Variants in GPC6 observed in about 807,000 individuals in gnomAD.
GPC6 encodes glypican-6.
GPC6 carries 14 observed loss-of-function variants against 55.2 expected under a neutral mutation model. That is an observed-to-expected ratio of 0.25 (90% CI 0.17 to 0.40). GPC6 has a LOEUF of 0.40. Ranked by LOEUF, GPC6 falls within the 10% of genes least tolerant of loss-of-function variation. The pLI is 1.00. For missense variants in GPC6, 641 were observed against 708.5 expected (o/e 0.90, Z 1.08); for synonymous variants, 278 against 259.6 (o/e 1.07, Z -0.68).
chr13:94,368,996 C>T (rs1879408490), intron 6 of GPC6, among the ~76,000 whole-genome samples: 1 of 152,188 alleles, frequency 6.6e-6, no homozygotes, highest in African/African-American at 2.4e-5. Context: ...GAGCAAAAAC[C>T]AGCCTGCCTT....
intron 6 of GPC6, chr13:94,306,338 A>AGTTTC: frequency 4.6e-6 from 3 of 648,788 alleles, no homozygotes; most frequent in Non-Finnish European, 8.3e-6. Flanking sequence ...TTAAGAAACT[A>AGTTTC]TTAATGCATG....
At position 94,053,579 on chromosome 13, in the gene GPC6, CTG is replaced by C. The variant is rs2138757012; in HGVS notation, c.877+25686_877+25687del. 2.0e-5 allele frequency among the ~76,000 whole-genome samples: 3 copies of C among 152,282 alleles called. No homozygotes were observed. In the South Asian group the frequency reaches 6.2e-4, roughly 32 times the overall value. Reference sequence around the variant, plus strand: ...TAAATCTGACCCCCTGTCCGATTAACTGAGAACAATCACACTTGTCCCAACAT... The same window carrying C: ...TAAATCTGACCCCCTGTCCGATTAACAGAACAATCACACTTGTCCCAACAT... On this transcript the variant is annotated intron_variant, in intron 4 of 8. Transcript: ENST00000377047.
intron 1 of GPC6, among the ~76,000 whole-genome samples, chr13:93,378,428 A>T (rs2139200728): frequency 6.6e-6 from 1 of 152,146 alleles, no homozygotes; most frequent in East Asian, 1.9e-4. Context: ...ATCCCCACTC[A>T]CTTTCAAAGA....
intron 3 of GPC6, among the ~76,000 whole-genome samples, chr13:93,983,650 T>C (rs1434816643): frequency 1.3e-5 from 2 of 151,960 alleles, no homozygotes; most frequent in Admixed American, 6.6e-5. Context: ...CTTAAAATTA[T>C]AAAACGATAT....
chr13:93,845,215 A>G (rs1289377505), intron 3 of GPC6, among the ~76,000 whole-genome samples: 2 of 151,978 alleles, frequency 1.3e-5, no homozygotes, highest in Admixed American at 6.6e-5. Context: ...TTATGCAGCC[A>G]AAAAACACAT....
At chr13:93,640,805 TTC>T in intron 2 of GPC6, among the ~76,000 whole-genome samples, 1 of 86,254 alleles carries the variant, frequency 1.2e-5, no homozygotes, top group Non-Finnish European at 2.6e-5. Context: ...CCTTCCTTCC[TTC>T]CTTCCTTCTT....
chr13:93,410,173 T>C (rs2139243592), intron 1 of GPC6, among the ~76,000 whole-genome samples: 1 of 152,320 alleles, frequency 6.6e-6, no homozygotes, highest in South Asian at 2.1e-4. Flanking sequence ...CTATAGTTAT[T>C]CACTTGCTTC....
chr13:93,436,018 C>G (rs748743627), intron 1 of GPC6, among the ~76,000 whole-genome samples: 43 of 152,096 alleles, frequency 2.8e-4, no homozygotes, highest in Non-Finnish European at 2.2e-4. Context: ...AGATCCTAGC[C>G]CATACGTTCT....
At chr13:93,641,337 A>T (rs1879927544) in intron 2 of GPC6, among the ~76,000 whole-genome samples, 1 of 152,060 alleles carries the variant, frequency 6.6e-6, no homozygotes, top group Admixed American at 6.6e-5. Context: ...CCATTGACTG[A>T]TAGTAAGGAT....
At chr13:93,535,685 A>G (rs1296411728) in intron 1 of GPC6, among the ~76,000 whole-genome samples, 5 of 88,988 alleles carry the variant, frequency 5.6e-5, no homozygotes, top group African/African-American at 2.4e-4. Context: ...CTTTTTTAGG[A>G]AAAAAAAAAA....
At chr13:94,063,500 A>G (rs1320146182) in intron 4 of GPC6, among the ~76,000 whole-genome samples, 1 of 152,210 alleles carries the variant, frequency 6.6e-6, no homozygotes, top group East Asian at 1.9e-4. Context: ...CATTATTCTC[A>G]GGATAAATCA....
intron 4 of GPC6, among the ~76,000 whole-genome samples, chr13:94,044,111 A>C (rs1883638298): frequency 6.6e-6 from 1 of 151,622 alleles, no homozygotes; most frequent in Admixed American, 6.6e-5. Flanking sequence ...ATCCATACTA[A>C]CTTAGGGCCA....
At chr13:94,193,097 G>A (rs1464602939) in intron 4 of GPC6, among the ~76,000 whole-genome samples, 1 of 129,416 alleles carries the variant, frequency 7.7e-6, no homozygotes, top group Non-Finnish European at 1.7e-5. Flanking sequence ...GTGTGTGTGT[G>A]TATTTCCACA....
chr13:94,308,132 T>A (rs941989608), intron 6 of GPC6, among the ~76,000 whole-genome samples: 4 of 152,234 alleles, frequency 2.6e-5, no homozygotes, highest in African/African-American at 9.6e-5. Context: ...TAATGATATG[T>A]ATGGCAACTA....
In GPC6 at chr13:93,970,498, A is replaced by G. The variant is rs546946401; in HGVS notation, c.712-57231A>G. ...TTTTACTGTTTATGTTTTTCCCTACACTTATACCTCTGTCCTAGCAGAGCA... is the reference window on the plus strand; with the variant it reads ...TTTTACTGTTTATGTTTTTCCCTACGCTTATACCTCTGTCCTAGCAGAGCA... On this transcript the variant is annotated intron_variant, in intron 3 of 8. Coordinates refer to ENST00000377047, the MANE Select transcript of GPC6 (RefSeq NM_005708.5). Among the ~76,000 whole-genome samples the G allele has an allele frequency of 2.0e-5, 3 of 152,144 alleles. No individual in the cohort carries two copies. The South Asian group carries it at 6.2e-4, about 32-fold the overall frequency.
At chr13:93,613,530 A>AAACACACACAAACACAC (rs1878582772) in intron 2 of GPC6, among the ~76,000 whole-genome samples, 1 of 139,912 alleles carries the variant, frequency 7.1e-6, no homozygotes, top group Non-Finnish European at 1.5e-5. Context: ...ACACACACAA[A>AAACACACACAAACACAC]ACACACACAC....
intron 1 of GPC6, among the ~76,000 whole-genome samples, chr13:93,541,965 T>C (rs1444324744): frequency 6.6e-6 from 1 of 152,162 alleles, no homozygotes; most frequent in Non-Finnish European, 1.5e-5. Context: ...TTTTCCCATC[T>C]TGTAGGTTGC....
At position 93,352,029 on chromosome 13, in the gene GPC6, T is replaced by C. The variant is rs1880649109; in HGVS notation, c.160+124413T>C. On this transcript the variant is annotated intron_variant, in intron 1 of 8. Coordinates refer to ENST00000377047, the MANE Select transcript of GPC6 (RefSeq NM_005708.5). ...GCAAAACTAATATAAATTATTTAATTTCACAATTTTTGACAACCCACTAAA... is the reference window on the plus strand; with the variant it reads ...GCAAAACTAATATAAATTATTTAATCTCACAATTTTTGACAACCCACTAAA... 3.3e-5 allele frequency among the ~76,000 whole-genome samples: 5 copies of C among 152,264 alleles called. 1 individual carries two copies. In the South Asian group the frequency reaches 1.0e-3, roughly 32 times the overall value.
intron 1 of GPC6, among the ~76,000 whole-genome samples, chr13:93,327,630 C>T (rs534022383): frequency 5.3e-5 from 8 of 152,222 alleles, no homozygotes; most frequent in African/African-American, 1.9e-4. Context: ...ATCTCACAGT[C>T]TCAGTCTCCT....
Sources: allele counts gnomAD v4.1 joint callset (sites outside exome capture counted in the v4.1 genomes callset), GRCh38; gene constraint gnomAD v4.1.1; transcripts MANE v1.5; gene names NCBI Gene and HGNC (gene_info 2026-07-23, HGNC 2026-07-21).